The following ING5 variants were observed in gnomAD, a reference collection of about 807,000 sequenced individuals.
The protein encoded by ING5 is inhibitor of growth family member 5.
In ING5, 17 loss-of-function variants were observed where a neutral mutation model predicts 37.4. That is an observed-to-expected ratio of 0.45 (90% CI 0.31 to 0.68). The LOEUF (loss-of-function observed/expected upper bound fraction) is 0.68, where lower values mean the gene tolerates loss of function less well. Ranked by LOEUF, ING5 falls within the 30% of genes least tolerant of loss-of-function variation. ING5 has a pLI of 0.05. For synonymous variants in ING5, 123 were observed against 116.6 expected (o/e 1.06, Z -0.36); for missense variants, 233 against 311.9 (o/e 0.75, Z 1.91).
intron 7 of ING5, chr2:241,724,517 T>A: frequency 5.7e-6 from 1 of 175,894 alleles, no homozygotes. Context: ...GAGCCCCTTG[T>A]GCGTGCAGCT....
At chr2:241,722,588 GATTT>G (rs1297922964) in intron 5 of ING5, 1 of 985,312 alleles carries the variant, frequency 1.0e-6, no homozygotes, top group Admixed American at 6.1e-5. Flanking sequence ...TATACTTAAT[GATTT>G]TCTTGCTGCG....
At position 241,725,115 on chromosome 2, in the gene ING5, C is replaced by T; in HGVS notation, c.*84C>T. On this transcript the variant is annotated 3_prime_UTR_variant, in exon 8 of 8. Coordinates refer to ENST00000313552, the MANE Select transcript of ING5 (RefSeq NM_032329.6). ...AATATTTCCCTTCCTTTTAAAACTA[C>T]CTTGTTCGGTTGATACTTAGTAACT... The T allele has an allele frequency of 7.0e-7, 1 of 1,431,536 alleles. No individual in the cohort carries two copies. Among genetic ancestry groups the T allele is most frequent in the Non-Finnish European group, 9.8e-7 (1 of 1,015,670 alleles). The allele number at this position is 1,431,536 out of a possible 1,614,324, so 88.7% of individuals were successfully genotyped here. A position where few individuals can be genotyped will look rare whatever the true frequency, so the allele number is the denominator to read the frequency against.
At chr2:241,718,341 C>T (rs1458333108) in intron 5 of ING5, among the ~76,000 whole-genome samples, 5 of 58,794 alleles carry the variant, frequency 8.5e-5, no homozygotes, top group South Asian at 5.6e-4. Context: ...CCCTCCCTCA[C>T]TTCCTTCCTC....
chr2:241,704,523 G>T, intron 1 of ING5, 130 bp from the exon 2 acceptor site: 2 of 712,958 alleles, frequency 2.8e-6, no homozygotes, highest in Non-Finnish European at 5.0e-6. Flanking sequence ...AGCCAAGATC[G>T]CACCACTGCA....
intron 2 of ING5, among the ~76,000 whole-genome samples, chr2:241,705,076 T>C (rs1294976220): frequency 2.0e-5 from 3 of 152,294 alleles, no homozygotes; most frequent in South Asian, 2.1e-4. Context: ...GATATTTAAC[T>C]CCGTTTCTTT....
rs770450847 is a variant in ING5 at position 241,722,956 on chromosome 2, C to T, written c.500C>T (p.Thr167Ile). ...KHKGGSEFTD[T>I]ILSVHPSDVL... is the part of the protein sequence containing the mutation. ...CCCTGCAGGTCTGAGTTCACTGACA[C>T]CATCCTGTCCGTGCACCCCTCTGAT... The change falls in exon 6 of 8, where the codon ACC becomes ATC. Residue 167 changes from threonine to isoleucine, a missense_variant. This residue lies in a region of ING5 where 45 missense variants were observed against 98.2 expected (regional missense o/e 0.46). Transcript: ENST00000313552. The T allele has an allele frequency of 1.9e-6, 3 of 1,614,092 alleles. No homozygotes were observed. The South Asian group carries it at 3.3e-5, about 18-fold the overall frequency.
intron 5 of ING5, chr2:241,720,251 C>T (rs572247249): frequency 1.9e-5 from 23 of 1,230,652 alleles, no homozygotes; most frequent in South Asian, 8.5e-5. Flanking sequence ...CTGTGGTGCG[C>T]GTCCCTGACC....
chr2:241,720,080 A>C, intron 5 of ING5: 1 of 1,242,000 alleles, frequency 8.1e-7, no homozygotes. Flanking sequence ...CCCCTTCCAG[A>C]GGGACAGGAG....
chr2:241,719,199 C>T (rs976185405), intron 5 of ING5, among the ~76,000 whole-genome samples: 19 of 152,228 alleles, frequency 1.2e-4, no homozygotes, highest in Non-Finnish European at 5.9e-5. Flanking sequence ...TCGAGAACTC[C>T]GAGGTTGCAG....
At chr2:241,703,763 G>T (rs1217116675) in intron 1 of ING5, among the ~76,000 whole-genome samples, 1 of 151,942 alleles carries the variant, frequency 6.6e-6, no homozygotes, top group African/African-American at 2.4e-5. Context: ...GCACCACCAC[G>T]CCTGGATAAT....
chr2:241,710,629 C>CA (rs1310159099), intron 3 of ING5, among the ~76,000 whole-genome samples: 1 of 152,194 alleles, frequency 6.6e-6, no homozygotes, highest in Admixed American at 6.5e-5. Context: ...GGATTACAGG[C>CA]ATGCGCCACC....
At position 241,726,451 on chromosome 2, in the gene ING5, TAGTC is replaced by T. The variant is rs774325579; in HGVS notation, c.*1424_*1427del. 1.3e-5 allele frequency: 2 copies of T among 152,228 alleles called. No individual in the cohort carries two copies. Among genetic ancestry groups the T allele is most frequent in the Non-Finnish European group, 2.9e-5 (2 of 68,056 alleles). 9.4% of individuals were successfully genotyped at this position (152,228 alleles called of 1,614,324 possible). ...CGGGGCCCTCCCGTCGAGAAGCTGG[TAGTC>T]AGTGAGTGAGAACAAGAGAACAAGA... On this transcript the variant is annotated 3_prime_UTR_variant, in exon 8 of 8. Coordinates refer to ENST00000313552, the MANE Select transcript of ING5 (RefSeq NM_032329.6).
intron 2 of ING5, among the ~76,000 whole-genome samples, chr2:241,705,083 CT>C (rs1169853186): frequency 6.6e-6 from 1 of 151,272 alleles, no homozygotes; most frequent in Non-Finnish European, 1.5e-5. Context: ...AACTCCGTTT[CT>C]TTTTTTTTGA....
intron 5 of ING5, 163 bp downstream of exon 5, chr2:241,712,234 C>T (rs2070133649): frequency 3.3e-6 from 2 of 613,670 alleles, no homozygotes; most frequent in Non-Finnish European, 5.6e-6. Context: ...GTCCTCACCG[C>T]AGCCTTTGAG....
chr2:241,700,462 T>G (rs1383598417), upstream of ING5, among the ~76,000 whole-genome samples: 1 of 148,042 alleles, frequency 6.8e-6, no homozygotes, highest in African/African-American at 2.5e-5. Context: ...TGCCCTATTT[T>G]ATTTTATTTT....
intron 4 of ING5, 55 bp downstream of exon 4, chr2:241,711,543 A>G: frequency 8.0e-7 from 1 of 1,257,222 alleles, no homozygotes; most frequent in East Asian, 2.4e-5. Flanking sequence ...TGGAGTTTTG[A>G]AGAGTTTTGT....
intron 5 of ING5, chr2:241,722,445 C>A: frequency 1.0e-6 from 1 of 985,312 alleles, no homozygotes; most frequent in South Asian, 4.7e-5. Flanking sequence ...CTCCTGGGGG[C>A]CCTCTGTGCC....
chr2:241,716,897 C>T (rs909743106), intron 5 of ING5, among the ~76,000 whole-genome samples: 1 of 152,022 alleles, frequency 6.6e-6, no homozygotes, highest in Non-Finnish European at 1.5e-5. Context: ...TCAGGGGAGA[C>T]GTTGGATACA....
At chr2:241,720,673 G>A (rs530854055) in intron 5 of ING5, 9 of 985,582 alleles carry the variant, frequency 9.1e-6, no homozygotes, top group East Asian at 1.1e-4. Context: ...GGAAGGGCTC[G>A]CTGGCACCGT....
Sources: allele counts gnomAD v4.1 joint callset (sites outside exome capture counted in the v4.1 genomes callset), GRCh38; gene constraint gnomAD v4.1.1; regional missense constraint gnomAD v4.1.1; transcripts MANE v1.5; gene names NCBI Gene and HGNC (gene_info 2026-07-23, HGNC 2026-07-21).